The following MFSD8 variants were observed in gnomAD, a reference collection of about 807,000 sequenced individuals.
MFSD8 encodes the protein major facilitator superfamily domain-containing protein 8.
In MFSD8, 55 loss-of-function variants were observed where a neutral mutation model predicts 66.4. The ratio of observed to expected loss-of-function variants is 0.83; its 90% confidence interval spans 0.67 to 1.04. The LOEUF (loss-of-function observed/expected upper bound fraction) is 1.04. MFSD8 is among the 50% of genes least tolerant of loss of function. The pLI, the probability that MFSD8 is intolerant of heterozygous loss-of-function variation, is 0.00. For missense variants in MFSD8, 550 were observed against 627.6 expected (o/e 0.88, Z 1.32); for synonymous variants, 202 against 212.8 (o/e 0.95, Z 0.44).
chr4:127,959,361 G>C (rs534149729), intron 1 of MFSD8, among the ~76,000 whole-genome samples: 1 of 152,220 alleles, frequency 6.6e-6, no homozygotes, highest in South Asian at 2.1e-4. Context: ...CATAAACATT[G>C]ATTATCTCCT....
chr4:127,965,088 C>A lies in MFSD8; in HGVS notation c.46G>T (p.Asp16Tyr), dbSNP rs752624076. 2 of 1,613,946 alleles carry A rather than the reference C, an allele frequency of 1.2e-6. No homozygotes were observed. Among genetic ancestry groups the A allele is most frequent in the Non-Finnish European group, 1.7e-6 (2 of 1,180,002 alleles). The change falls in exon 1 of 12, where the codon GAC becomes TAC. Residue 16 changes from aspartate to tyrosine, a missense_variant. Transcript: ENST00000641686. The stretch of plus-strand genomic sequence containing the variant: ...TCCGCTCACCTGCTTCCAGGTGTGT[C>A]GCCTAAGAGCGGCTCCTGTTCACTT... ...NESEQEPLLGDTPGSREWDIL... is the reference protein window; with the variant it reads ...NESEQEPLLGYTPGSREWDIL...
chr4:127,929,101 C>T (rs1210484016), intron 9 of MFSD8, among the ~76,000 whole-genome samples: 1 of 151,570 alleles, frequency 6.6e-6, no homozygotes, highest in African/African-American at 2.4e-5. Context: ...GCGGGCAGAT[C>T]ATGAGGTCAG....
chr4:127,955,861 G>A (rs947200298), intron 2 of MFSD8, among the ~76,000 whole-genome samples: 8 of 152,184 alleles, frequency 5.3e-5, no homozygotes, highest in African/African-American at 1.9e-4. Flanking sequence ...GCTCACGCCT[G>A]TAATCCCAGC....
At chr4:127,921,027 G>T in intron 11 of MFSD8, 191 bp from the exon 12 acceptor site, 5 of 616,522 alleles carry the variant, frequency 8.1e-6, no homozygotes, top group Non-Finnish European at 1.1e-5. Context: ...AAAATAAAAG[G>T]AGTGTAAAGG....
intron 3 of MFSD8, among the ~76,000 whole-genome samples, chr4:127,946,745 T>C (rs1741092174): frequency 6.6e-6 from 1 of 151,860 alleles, no homozygotes; most frequent in Admixed American, 6.6e-5. Flanking sequence ...TGAAACCCTG[T>C]CTCTACTAAA....
rs549311004 is a variant in MFSD8 at position 127,941,688 on chromosome 4, C to T, written c.553+357G>A. 3.0e-3 allele frequency among the ~76,000 whole-genome samples: 455 copies of T among 152,260 alleles called. 4 individuals carry two copies. Among genetic ancestry groups the T allele is most frequent in the African/African-American group, 0.011 (438 of 41,558 alleles). On this transcript the variant is annotated intron_variant, in intron 5 of 11. Coordinates refer to ENST00000641686, the MANE Select transcript of MFSD8 (RefSeq NM_001371596.2). ...TGTTGGCCAGGCTGGTCTCAAACTC[C>T]TGACCTCAGGTGATCTGCCTTCCAC...
chr4:127,947,125 G>A (rs1200627350), intron 3 of MFSD8, among the ~76,000 whole-genome samples: 1 of 152,028 alleles, frequency 6.6e-6, no homozygotes, highest in East Asian at 1.9e-4. Flanking sequence ...AGGTGCAGTG[G>A]CTCACATCTG....
chr4:127,933,091 T>C lies in MFSD8; in HGVS notation c.757A>G (p.Ser253Gly), dbSNP rs1391011457. 1 of 1,612,758 alleles carries C rather than the reference T, an allele frequency of 6.2e-7. No homozygotes were observed. Among genetic ancestry groups the C allele is most frequent in the East Asian group, 2.2e-5 (1 of 44,768 alleles). ...QCKSINFEEA[S>G]TDEAQVPQGN... Reference sequence around the variant, plus strand: ...TGGGGAACCTGAGCTTCATCTGTACTTGCTATAGGGAAATAGGAGAAAAAT... The same window carrying C: ...TGGGGAACCTGAGCTTCATCTGTACCTGCTATAGGGAAATAGGAGAAAAAT... The change falls in exon 8 of 12, where the codon AGT (serine) becomes GGT (glycine). Residue 253 changes from serine (S) to glycine (G), a missense_variant and splice_region_variant. Physicochemically the swap from Ser to Gly is moderately conservative, Grantham distance 56. Transcript: ENST00000641686.
intron 3 of MFSD8, among the ~76,000 whole-genome samples, chr4:127,947,748 C>T (rs1319935862): frequency 2.6e-5 from 4 of 151,614 alleles, no homozygotes; most frequent in Admixed American, 2.0e-4. Context: ...TGTGTAAAGA[C>T]CTGAGGAGCC....
Position 127,920,518 on chromosome 4 carries a change from C to G in MFSD8, c.*112G>C. On this transcript the variant is annotated 3_prime_UTR_variant, in exon 12 of 12. Transcript: ENST00000641686. ...AACATATGTTCTTGTTCTTCAAAAT[C>G]TGCAATATCTGTAGTCTGATTCTTG... is the stretch of plus-strand genomic sequence containing the variant. 1 of 1,014,564 alleles carries G rather than the reference C, an allele frequency of 9.9e-7. No individual in the cohort carries two copies. The highest frequency in any genetic ancestry group is 1.6e-6 in the Non-Finnish European group (1 of 644,836). 62.8% of individuals were successfully genotyped at this position (1,014,564 alleles called of 1,614,324 possible). A position where few individuals can be genotyped will look rare whatever the true frequency, so the allele number is the denominator to read the frequency against.
intron 9 of MFSD8, 45 bp from the exon 10 acceptor site, chr4:127,922,008 A>G: frequency 6.8e-7 from 1 of 1,474,702 alleles, no homozygotes; most frequent in South Asian, 1.2e-5. Flanking sequence ...GAAACATTAT[A>G]ACATAGCTTC....
Position 127,965,137 on chromosome 4 carries a change from T to C in MFSD8, c.-4A>G. The C allele has an allele frequency of 5.6e-6, 9 of 1,613,960 alleles. No homozygotes were observed. The highest frequency in any genetic ancestry group is 6.8e-6 in the Non-Finnish European group (8 of 1,180,020). On this transcript the variant is annotated 5_prime_UTR_variant, in exon 1 of 12. Transcript: ENST00000641686. ...TTTCGTTCCGCAGGCCGGCCATAGT[T>C]ACACTCCCTACAAGGCGTCTTGCGC...
intron 9 of MFSD8, among the ~76,000 whole-genome samples, chr4:127,924,804 A>G (rs529489110): frequency 9.2e-5 from 14 of 152,314 alleles, no homozygotes; most frequent in South Asian, 2.1e-4. Context: ...AGCAAAAAGA[A>G]CAAAGCTGAA....
chr4:127,932,904 T>C, intron 8 of MFSD8, 81 bp downstream of exon 8: 1 of 1,280,238 alleles, frequency 7.8e-7, no homozygotes, highest in South Asian at 1.3e-5. Context: ...TTCAATAACA[T>C]CTATATGCCT....
chr4:127,943,978 A>G lies in MFSD8; in HGVS notation c.213T>C (p.Ala71=). 2 of 1,614,232 alleles carry G rather than the reference A, an allele frequency of 1.2e-6. No individual in the cohort carries two copies. Among genetic ancestry groups the G allele is most frequent in the East Asian group, 2.2e-5 (1 of 44,884 alleles). The change falls in exon 4 of 12, where the codon GCT becomes GCC. Residue 71 remains alanine (A), a synonymous_variant. Coordinates refer to ENST00000641686, the MANE Select transcript of MFSD8 (RefSeq NM_001371596.2). ...TAACCCAGCCCAAAAAACTTGTATC[A>G]GCTGTCGGATCAATCTGCAGAAAAA... ...WPYLQKIDPT[A]DTSFLGWVIA...
rs138694119 is a variant in MFSD8, at chr4:127,944,509, T to C, written c.199-517A>G. On this transcript the variant is annotated intron_variant, in intron 3 of 11. Transcript: ENST00000641686. ...ATAAACCTGTTATAAATTCTTCCGTTCTATATAGACCACTCAGTATTCTAC... is the reference window on the plus strand; with the variant it reads ...ATAAACCTGTTATAAATTCTTCCGTCCTATATAGACCACTCAGTATTCTAC... 6.1e-4 allele frequency among the ~76,000 whole-genome samples: 93 copies of C among 152,250 alleles called. 1 individual carries two copies. Among genetic ancestry groups the C allele is most frequent in the African/African-American group, 2.0e-3 (83 of 41,544 alleles).
At chr4:127,921,495 T>C in intron 11 of MFSD8, 29 bp downstream of exon 11, 2 of 1,613,866 alleles carry the variant, frequency 1.2e-6, no homozygotes. Flanking sequence ...ATATTTTCTA[T>C]AATTGCAATG....
intron 3 of MFSD8, among the ~76,000 whole-genome samples, chr4:127,946,323 C>T (rs910831297): frequency 2.0e-5 from 3 of 152,140 alleles, no homozygotes; most frequent in African/African-American, 7.2e-5. Context: ...CTAATCACTA[C>T]TAATATCCTT....
intron 9 of MFSD8, among the ~76,000 whole-genome samples, chr4:127,926,856 A>G (rs1165035462): frequency 3.3e-5 from 5 of 152,346 alleles, no homozygotes; most frequent in African/African-American, 1.2e-4. Context: ...ATACTCATTC[A>G]GTAGAAACCA....
Sources: allele counts gnomAD v4.1 joint callset (sites outside exome capture counted in the v4.1 genomes callset), GRCh38; gene constraint gnomAD v4.1.1; transcripts MANE v1.5; gene names NCBI Gene and HGNC (gene_info 2026-07-23, HGNC 2026-07-21).